TELO2: variants seen among roughly 807,000 people sequenced by gnomAD.
TELO2 encodes the protein telomere length regulation protein TEL2 homolog.
A neutral mutation model predicts 91.0 loss-of-function variants in TELO2; 71 were observed. That is an observed-to-expected ratio of 0.78 (90% CI 0.64 to 0.95). TELO2 has a LOEUF of 0.95. TELO2 is among the 40% of genes least tolerant of loss of function. The pLI, the probability that TELO2 is intolerant of heterozygous loss-of-function variation, is 0.00. For missense variants in TELO2, 1,183 were observed against 1,141.3 expected (o/e 1.04, Z -0.53); for synonymous variants, 584 against 518.9 (o/e 1.13, Z -1.71).
At chr16:1,496,308 C>T (rs1181751854) in intron 3 of TELO2, among the ~76,000 whole-genome samples, 4 of 152,212 alleles carry the variant, frequency 2.6e-5, no homozygotes, top group Non-Finnish European at 5.9e-5. Context: ...AGGAGGAAGC[C>T]GGGCCCCTCG....
At chr16:1,499,746 C>G (rs977181607) in intron 6 of TELO2, among the ~76,000 whole-genome samples, 4 of 152,196 alleles carry the variant, frequency 2.6e-5, no homozygotes, top group African/African-American at 9.7e-5. Context: ...AGCCGGGTCC[C>G]CTGACTCCCG....
chr16:1,496,609 C>T (rs1025399386), intron 3 of TELO2, among the ~76,000 whole-genome samples: 6 of 152,222 alleles, frequency 3.9e-5, no homozygotes, highest in African/African-American at 1.4e-4. Flanking sequence ...CCCGGCCCCT[C>T]CCGGTTCCCC....
chr16:1,499,181 C>T (rs1225908452), intron 5 of TELO2, 50 bp from the exon 6 acceptor site: 16 of 1,598,936 alleles, frequency 1.0e-5, no homozygotes, highest in African/African-American at 1.3e-5. Flanking sequence ...TCTCGCTCCT[C>T]CCTGTCTCCA....
intron 5 of TELO2, among the ~76,000 whole-genome samples, chr16:1,498,154 A>G (rs999444751): frequency 3.3e-5 from 5 of 151,478 alleles, no homozygotes; most frequent in Non-Finnish European, 7.4e-5. Flanking sequence ...AGCTAGGACT[A>G]CAGGCGCCCG....
chr16:1,499,001 G>A (rs956541650), intron 5 of TELO2, among the ~76,000 whole-genome samples: 2 of 152,172 alleles, frequency 1.3e-5, no homozygotes, highest in African/African-American at 2.4e-5. Flanking sequence ...GGGTGGACCC[G>A]CCTCCGCCCG....
At position 1,497,527 on chromosome 16, in the gene TELO2, C is replaced by T; in HGVS notation, c.830+19C>T. The T allele has an allele frequency of 6.5e-7, 1 of 1,540,914 alleles. No homozygotes were observed. The highest frequency in any genetic ancestry group is 8.7e-7 in the Non-Finnish European group (1 of 1,146,424). The stretch of plus-strand genomic sequence containing the variant: ...CACTGGGGTAAGCAGCCAGGCTGTC[C>T]TCCAGCTGCACTGGCTTCTGGGGTC... On this transcript the variant is annotated intron_variant, in intron 5 of 20. Coordinates refer to ENST00000262319, the MANE Select transcript of TELO2 (RefSeq NM_016111.4). The surrounding 1 kb of genome is among the most constrained non-coding windows in gnomAD (Gnocchi z 4.0).
In TELO2 at chr16:1,494,788, G is replaced by A. The variant is rs575100292; in HGVS notation, c.335+172G>A. On this transcript the variant is annotated intron_variant, in intron 2 of 20. Coordinates refer to ENST00000262319, the MANE Select transcript of TELO2 (RefSeq NM_016111.4). This position sits in a 1 kb window ranked among gnomAD's most constrained non-coding sequence, Gnocchi z 5.6. ...GGTCTGTGTCTGTCTCCTTTGCGAC[G>A]GGAGGCACCTGCTGTGTCTCACAAA... is the stretch of plus-strand genomic sequence containing the variant. Among the ~76,000 whole-genome samples the A allele has an allele frequency of 9.8e-5, 15 of 152,294 alleles. No individual in the cohort carries two copies. The highest frequency in any genetic ancestry group is 4.1e-4 in the South Asian group (2 of 4,830).
Position 1,505,469 on chromosome 16 carries a change from A to G in TELO2, c.1902A>G (p.Gln634=), listed in dbSNP as rs774344989. 4.3e-6 allele frequency: 7 copies of G among 1,612,944 alleles called. No homozygotes were observed. Among genetic ancestry groups the G allele is most frequent in the African/African-American group, 1.3e-5 (1 of 74,918 alleles). Residue 634 remains glutamine (Q), a synonymous_variant, in exon 16 of 21, where the codon CAA becomes CAG. Coordinates refer to ENST00000262319, the MANE Select transcript of TELO2 (RefSeq NM_016111.4). This position sits in a 1 kb window ranked among gnomAD's most constrained non-coding sequence, Gnocchi z 4.3. The stretch of plus-strand genomic sequence containing the variant: ...CTGGGTGCCTCGGGAGGACTCCCCA[A>G]CCTGGCTCCCCAAGTCCCAACACCC... ...SRPGCLGRTP[Q]PGSPSPNTPC... is the part of the protein sequence containing the mutation.
At chr16:1,503,025 T>C in intron 15 of TELO2, 23 bp downstream of exon 15, 1 of 1,606,952 alleles carries the variant, frequency 6.2e-7, no homozygotes. Flanking sequence ...TGGGCCTCAG[T>C]CCCCCTGGTC....
In TELO2 at chr16:1,502,791, G is replaced by C. The variant is rs1046879176; in HGVS notation, c.1770+30G>C. On this transcript the variant is annotated intron_variant, in intron 14 of 20. Transcript: ENST00000262319. ...GTTCCCGCACCCGTGGCCCTGGCCA[G>C]TGCAGGCACAGCGGGAAGCACTGGG... The C allele has an allele frequency of 6.2e-6, 10 of 1,608,002 alleles. No homozygotes were observed. In the Admixed American group the frequency reaches 1.0e-4, roughly 16 times the overall value.
In TELO2 at chr16:1,507,715, G is replaced by C. The variant is rs753007469; in HGVS notation, c.2406G>C (p.Ala802=). 1 of 1,601,490 alleles carries C rather than the reference G, an allele frequency of 6.2e-7. No homozygotes were observed. Among genetic ancestry groups the C allele is most frequent in the Non-Finnish European group, 8.5e-7 (1 of 1,179,020 alleles). The stretch of plus-strand genomic sequence containing the variant: ...TGCTGGAAGCCCGGTCCTGGCTGGC[G>C]GGTGAGTGTCGGCCTGCGGTGTGTG... ...DELLEARSWL[A]DVAEKDPDED... is the part of the protein sequence containing the mutation. The change falls in exon 20 of 21, where the codon GCG becomes GCC. Residue 802 remains alanine (A), a splice_region_variant and synonymous_variant. Coordinates refer to ENST00000262319, the MANE Select transcript of TELO2 (RefSeq NM_016111.4).
chr16:1,507,864 GTGTGTGTGTGTGTGTGTGTGT>G, intron 20 of TELO2, 148 bp downstream of exon 20: 9 of 366,126 alleles, frequency 2.5e-5, no homozygotes, highest in South Asian at 7.1e-5. Context: ...GTGTGTGTGT[GTGTGTGTGTGTGTGTGTGTGT>G]GTGTGTGTGA....
At chr16:1,499,613 G>A (rs1404031537) in intron 6 of TELO2, among the ~76,000 whole-genome samples, 2 of 151,566 alleles carry the variant, frequency 1.3e-5, no homozygotes, top group African/African-American at 4.8e-5. Context: ...GGGGTGGGGT[G>A]GGGTGGGTGG....
Position 1,505,413 on chromosome 16 carries a change from C to G in TELO2, c.1846C>G (p.Leu616Val), listed in dbSNP as rs1214545670. 1 of 1,608,862 alleles carries G rather than the reference C, an allele frequency of 6.2e-7. No individual in the cohort carries two copies. The highest frequency in any genetic ancestry group is 1.1e-5 in the South Asian group (1 of 90,998). ...LRQRMDILDVLTLAAQELSRP... is the reference protein window; with the variant it reads ...LRQRMDILDVVTLAAQELSRP... ...CCCTGGGCCTGTCTCCCTCCAGGTG[C>G]TGACTCTGGCTGCCCAGGAGCTGTC... Residue 616 changes from leucine (L) to valine (V), a missense_variant, in exon 16 of 21, where the codon CTG becomes GTG. Leu to Val is a conservative substitution (Grantham distance 32, BLOSUM62 1). Transcript: ENST00000262319. The surrounding 1 kb of genome is among the most constrained non-coding windows in gnomAD (Gnocchi z 4.3).
intron 17 of TELO2, 171 bp downstream of exon 17, chr16:1,506,500 T>G: frequency 6.8e-7 from 1 of 1,462,930 alleles, no homozygotes; most frequent in Non-Finnish European, 9.0e-7. Flanking sequence ...TCCCGCAAGA[T>G]TCCTCTGTGG....
In TELO2 at chr16:1,494,301, A is replaced by C. The variant is rs2667661; in HGVS notation, c.20A>C (p.Glu7Ala). Residue 7 changes from glutamate to alanine, a missense_variant, in exon 2 of 21, where the codon GAG (glutamate) becomes GCG (alanine). Coordinates refer to ENST00000262319, the MANE Select transcript of TELO2 (RefSeq NM_016111.4). This position sits in a 1 kb window ranked among gnomAD's most constrained non-coding sequence, Gnocchi z 5.6. MEPAPS[E>A]VRLAVREAIH... is the part of the protein sequence containing the mutation. ...TGCAGGATGGAGCCAGCACCCTCAG[A>C]GGTTCGACTCGCCGTCCGGGAAGCC... is the stretch of plus-strand genomic sequence containing the variant. 2 of 1,612,200 alleles carry C rather than the reference A, an allele frequency of 1.2e-6. No homozygotes were observed. Among genetic ancestry groups the C allele is most frequent in the Non-Finnish European group, 1.7e-6 (2 of 1,179,446 alleles).
At position 1,505,590 on chromosome 16, in the gene TELO2, C is replaced by A. The variant is rs74002291; in HGVS notation, c.2023C>A (p.Arg675=). 1.3e-6 allele frequency: 2 copies of A among 1,513,946 alleles called. No homozygotes were observed. Among genetic ancestry groups the A allele is most frequent in the East Asian group, 2.6e-5 (1 of 38,934 alleles). 93.8% of individuals were successfully genotyped at this position (1,513,946 alleles called of 1,614,324 possible). A position where few individuals can be genotyped will look rare whatever the true frequency, so the allele number is the denominator to read the frequency against. Residue 675 remains arginine, a synonymous_variant, in exon 16 of 21, where the codon CGG becomes AGG. Coordinates refer to ENST00000262319, the MANE Select transcript of TELO2 (RefSeq NM_016111.4). The surrounding 1 kb of genome is among the most constrained non-coding windows in gnomAD (Gnocchi z 4.3). The part of the protein sequence containing the change: ...VEERIRSKTQ[R]LSKGGPRQGP... ...GGAGCGGATCAGAAGCAAGACCCAGCGGCTCTCCAAGGTTAGTGGCGCCTG... is the reference window on the plus strand; with the variant it reads ...GGAGCGGATCAGAAGCAAGACCCAGAGGCTCTCCAAGGTTAGTGGCGCCTG...
At chr16:1,504,551 CTTT>C (rs1169712120) in intron 15 of TELO2, among the ~76,000 whole-genome samples, 527 of 79,146 alleles carry the variant, frequency 6.7e-3, no homozygotes, top group African/African-American at 0.027. Context: ...CGTAACTGGT[CTTT>C]TTTTTTTTTT....
rs767874965 is a variant in TELO2 at position 1,502,778 on chromosome 16, G to C, written c.1770+17G>C. On this transcript the variant is annotated intron_variant, in intron 14 of 20. Transcript: ENST00000262319. ...CCGGCCCCGGTGAGTTCCCGCACCC[G>C]TGGCCCTGGCCAGTGCAGGCACAGC... The C allele has an allele frequency of 4.3e-6, 7 of 1,609,854 alleles. No individual in the cohort carries two copies. The South Asian group carries it at 7.7e-5, about 18-fold the overall frequency.
Sources: allele counts gnomAD v4.1 joint callset (sites outside exome capture counted in the v4.1 genomes callset), GRCh38; gene constraint gnomAD v4.1.1; non-coding constraint Gnocchi (gnomAD v3.1); transcripts MANE v1.5; gene names NCBI Gene and HGNC (gene_info 2026-07-23, HGNC 2026-07-21).